The following FMC1 variants were observed in gnomAD, a reference collection of about 807,000 sequenced individuals.
FMC1 encodes formation of mitochondrial complex V assembly factor 1.
A neutral mutation model predicts 10.5 loss-of-function variants in FMC1; 6 were observed. That is an observed-to-expected ratio of 0.57 (90% confidence interval 0.31 to 1.12). The LOEUF is 1.12. FMC1 is among the 50% of genes most tolerant of loss of function. The pLI, the probability that FMC1 is intolerant of heterozygous loss-of-function variation, is 0.05. For synonymous variants in FMC1, 59 were observed against 62.1 expected (o/e 0.95, Z 0.24); for missense variants, 146 against 151.7 (o/e 0.96, Z 0.20).
chr7:139,340,666 T>C (rs1226199109), upstream of FMC1: 5 of 395,228 alleles, frequency 1.3e-5, no homozygotes, highest in African/African-American at 2.1e-5. Flanking sequence ...AGGAAAATAG[T>C]TGAATATGTT....
At chr7:139,340,954 A>C (rs1477952070), upstream of FMC1, among the ~76,000 whole-genome samples, 2 of 151,750 alleles carry the variant, frequency 1.3e-5, no homozygotes, top group African/African-American at 2.4e-5. Context: ...ATTTGGGGAG[A>C]CGTCAATACG....
intron 1 of FMC1, among the ~76,000 whole-genome samples, 162 bp from the exon 2 acceptor site, chr7:139,345,339 A>G (rs777188265): frequency 1.3e-5 from 2 of 152,194 alleles, no homozygotes; most frequent in Non-Finnish European, 2.9e-5. Context: ...ATAACTATAG[A>G]GTGCCTCTAT....
At position 139,346,222 on chromosome 7, in the gene FMC1, CAA is replaced by C. The variant is rs1378824183; in HGVS notation, c.*519_*520del. 7.5e-6 allele frequency: 1 copy of C among 133,024 alleles called. No individual in the cohort carries two copies. The highest frequency in any genetic ancestry group is 3.2e-5 in the African/African-American group (1 of 31,306). 8.2% of individuals were successfully genotyped at this position (133,024 alleles called of 1,614,324 possible). ...ATGGCACTCACTCCAGCCTGGGCAA[CAA>C]GAGCAAAACTCTGTCTCAAAAAAAA... is the stretch of plus-strand genomic sequence containing the variant. On this transcript the variant is annotated 3_prime_UTR_variant, in exon 2 of 2. Coordinates refer to ENST00000297534, the MANE Select transcript of FMC1 (RefSeq NM_197964.5).
At chr7:139,341,638 C>T in intron 1 of FMC1, 116 bp downstream of exon 1, 2 of 1,472,542 alleles carry the variant, frequency 1.4e-6, no homozygotes, top group Non-Finnish European at 1.8e-6. Flanking sequence ...AACCCTCCCA[C>T]GGAGCCCTGG....
At chr7:139,340,764 T>C (rs944223577), upstream of FMC1, 3 of 373,468 alleles carry the variant, frequency 8.0e-6, no homozygotes, top group Admixed American at 4.6e-5. Flanking sequence ...TCGAGTCCCA[T>C]CTGGGGTGGC....
intron 1 of FMC1, among the ~76,000 whole-genome samples, chr7:139,343,919 C>G (rs2131141031): frequency 8.1e-6 from 1 of 123,478 alleles, no homozygotes; most frequent in South Asian, 2.4e-4. Flanking sequence ...AAGTGAGACC[C>G]TGTCCCCAAA....
chr7:139,345,486 T>G lies in FMC1; in HGVS notation c.139-15T>G. 22 of 1,614,092 alleles carry G rather than the reference T, an allele frequency of 1.4e-5. No individual in the cohort carries two copies. Among genetic ancestry groups the G allele is most frequent in the Non-Finnish European group, 1.8e-5 (21 of 1,179,956 alleles). ...TCTAGCTGGGTTAAGAATTTCTGAC[T>G]TGCTGCTTCTCTAGGTCACCAGTGA... On this transcript the variant is annotated splice_polypyrimidine_tract_variant and intron_variant, in intron 1 of 1. Transcript: ENST00000297534.
At chr7:139,340,687 G>T (rs571606624), upstream of FMC1, 1 of 392,870 alleles carries the variant, frequency 2.5e-6, no homozygotes, top group Admixed American at 4.4e-5. Context: ...GTGTGAGCGC[G>T]TCGTTTGCAG....
At chr7:139,343,115 T>G (rs888332791) in intron 1 of FMC1, among the ~76,000 whole-genome samples, 1 of 152,228 alleles carries the variant, frequency 6.6e-6, no homozygotes, top group Admixed American at 6.5e-5. Context: ...TTTGTCCTCA[T>G]GATTCAGGCT....
At chr7:139,343,921 G>A (rs1799127770) in intron 1 of FMC1, among the ~76,000 whole-genome samples, 1 of 100,866 alleles carries the variant, frequency 9.9e-6, no homozygotes, top group African/African-American at 6.3e-5. Context: ...GTGAGACCCT[G>A]TCCCCAAAAA....
intron 1 of FMC1, among the ~76,000 whole-genome samples, chr7:139,342,408 C>G (rs1799026872): frequency 6.6e-6 from 1 of 151,980 alleles, no homozygotes; most frequent in South Asian, 2.1e-4. Flanking sequence ...AATTGAAAGC[C>G]CAAGGGGAGA....
chr7:139,341,240 G>C (rs780313931), upstream of FMC1: 10 of 1,390,764 alleles, frequency 7.2e-6, no homozygotes, highest in Non-Finnish European at 1.9e-6. Flanking sequence ...TTCGGTCAAC[G>C]GACAAGTGAG....
intron 1 of FMC1, among the ~76,000 whole-genome samples, chr7:139,343,174 A>G (rs1799086661): frequency 6.6e-6 from 1 of 152,228 alleles, no homozygotes; most frequent in African/African-American, 2.4e-5. Flanking sequence ...TAGAATTCCC[A>G]TGTCAAATTC....
upstream of FMC1, chr7:139,341,242 A>G (rs1798938296): frequency 2.1e-6 from 3 of 1,401,702 alleles, no homozygotes; most frequent in South Asian, 4.4e-5. Flanking sequence ...CGGTCAACGG[A>G]CAAGTGAGCG....
upstream of FMC1, chr7:139,340,620 G>A (rs760497674): frequency 1.5e-4 from 58 of 396,870 alleles, no homozygotes; most frequent in Admixed American, 2.6e-4. Flanking sequence ...GTGGGATAGG[G>A]TAAGGCGAAA....
chr7:139,345,755 C>A lies in FMC1; in HGVS notation c.*51C>A. 1 of 1,539,732 alleles carries A rather than the reference C, an allele frequency of 6.5e-7. No homozygotes were observed. The highest frequency in any genetic ancestry group is 8.8e-7 in the Non-Finnish European group (1 of 1,140,898). ...CATTCATAGGAGAATTGAATAATTT[C>A]TATCAATATGTATTTATCATTAAAT... is the stretch of plus-strand genomic sequence containing the variant. On this transcript the variant is annotated 3_prime_UTR_variant, in exon 2 of 2. Coordinates refer to ENST00000297534, the MANE Select transcript of FMC1 (RefSeq NM_197964.5).
upstream of FMC1, chr7:139,341,235 T>G: frequency 7.3e-7 from 1 of 1,371,710 alleles, no homozygotes; most frequent in Non-Finnish European, 9.6e-7. Context: ...TAAGGTTCGG[T>G]CAACGGACAA....
At position 139,341,413 on chromosome 7, in the gene FMC1, C is replaced by A. The variant is rs375052584; in HGVS notation, c.29C>A (p.Thr10Asn). Residue 10 changes from threonine (T) to asparagine (N), a missense_variant, in exon 1 of 2, where the codon ACT becomes AAT. Transcript: ENST00000297534. MAALGSPSH[T>N]FRGLLRELRY... The stretch of plus-strand genomic sequence containing the variant: ...GCGGCCTTAGGGTCCCCGTCGCACA[C>A]TTTTCGAGGACTTCTGCGGGAGTTG... 6.2e-7 allele frequency: 1 copy of A among 1,613,516 alleles called. No homozygotes were observed. The highest frequency in any genetic ancestry group is 8.5e-7 in the Non-Finnish European group (1 of 1,179,978).
In FMC1 at chr7:139,345,885, C is replaced by G; in HGVS notation, c.*181C>G. ...CTCAGTGAATTTACTGAACTTTTTG[C>G]ACTAGACTGATGTTGTTTTTCTACT... On this transcript the variant is annotated 3_prime_UTR_variant, in exon 2 of 2. Transcript: ENST00000297534. 1 of 666,536 alleles carries G rather than the reference C, an allele frequency of 1.5e-6. No individual in the cohort carries two copies. The highest frequency in any genetic ancestry group is 2.3e-6 in the Non-Finnish European group (1 of 435,738). The allele number at this position is 666,536 out of a possible 1,614,324, so 41.3% of individuals were successfully genotyped here.
Sources: allele counts gnomAD v4.1 joint callset (sites outside exome capture counted in the v4.1 genomes callset), GRCh38; gene constraint gnomAD v4.1.1; transcripts MANE v1.5; gene names NCBI Gene and HGNC (gene_info 2026-07-23, HGNC 2026-07-21).